Variants in RBPJ observed in about 807,000 individuals in gnomAD.
The protein encoded by RBPJ is recombining binding protein suppressor of hairless.
Under a neutral mutation model 67.8 loss-of-function variants are expected in RBPJ, and 9 were observed. That is an observed-to-expected ratio of 0.13 (90% CI 0.08 to 0.23). The LOEUF (loss-of-function observed/expected upper bound fraction) is 0.23, where lower values mean the gene tolerates loss of function less well. RBPJ is among the 10% of genes least tolerant of loss of function. The pLI, the probability that RBPJ is intolerant of heterozygous loss-of-function variation, is 1.00. For missense variants in RBPJ, 305 were observed against 595.6 expected (o/e 0.51, Z 5.08); for synonymous variants, 198 against 203.3 (o/e 0.97, Z 0.22).
chr4:26,384,680 T>G (rs1398193218), intron 1 of RBPJ: 2 of 152,178 alleles, frequency 1.3e-5, no homozygotes, highest in Non-Finnish European at 2.9e-5. Flanking sequence ...TTTAGTTCCT[T>G]TAGTTATTTT....
At chr4:26,278,861 C>A (rs897320586) in intron 1 of RBPJ, among the ~76,000 whole-genome samples, 2 of 152,186 alleles carry the variant, frequency 1.3e-5, no homozygotes, top group African/African-American at 4.8e-5. Flanking sequence ...GTTCCACTTA[C>A]ATGATATCTG....
At chr4:26,322,703 A>G (rs1477284444) in intron 1 of RBPJ, among the ~76,000 whole-genome samples, 1 of 151,666 alleles carries the variant, frequency 6.6e-6, no homozygotes, top group Non-Finnish European at 1.5e-5. Context: ...GCCTGTAGTG[A>G]GATTATTTTA....
intron 3 of RBPJ, among the ~76,000 whole-genome samples, chr4:26,411,402 A>G (rs1422655703): frequency 4.0e-5 from 6 of 150,854 alleles, no homozygotes; most frequent in Non-Finnish European, 1.5e-5. Context: ...TTATTCAATC[A>G]CTAGATTTTT....
At chr4:26,171,067 G>A (rs533057428) in intron 1 of RBPJ, among the ~76,000 whole-genome samples, 7 of 152,284 alleles carry the variant, frequency 4.6e-5, no homozygotes, top group African/African-American at 9.6e-5. Context: ...ACTTGGAGTC[G>A]AAGGACCTGT....
rs184038178 is a variant in RBPJ, at chr4:26,361,883, A to G, written c.21-24470A>G. On this transcript the variant is annotated intron_variant, in intron 1 of 10. Transcript: ENST00000355476. ...AAAGGAACAGATACCTGCCAAGTCA[A>G]TCAGAGAATGGCGGTAAAACTTGAT... Among the ~76,000 whole-genome samples the G allele has an allele frequency of 6.6e-4, 100 of 152,330 alleles. 2 individuals are homozygous for G. The East Asian group carries it at 0.017, about 26-fold the overall frequency.
At chr4:26,327,117 C>T (rs1012195757) in intron 1 of RBPJ, among the ~76,000 whole-genome samples, 1 of 152,112 alleles carries the variant, frequency 6.6e-6, no homozygotes, top group African/African-American at 2.4e-5. Context: ...GTTCTGTATG[C>T]CTCTTAGGCC....
At chr4:26,377,970 G>T (rs534289723) in intron 1 of RBPJ, among the ~76,000 whole-genome samples, 8 of 152,306 alleles carry the variant, frequency 5.3e-5, no homozygotes, top group African/African-American at 9.6e-5. Flanking sequence ...CACGTGTAGG[G>T]TGTGTGGGTT....
intron 1 of RBPJ, among the ~76,000 whole-genome samples, chr4:26,365,673 G>A (rs959872098): frequency 4.6e-5 from 7 of 152,248 alleles, no homozygotes; most frequent in Non-Finnish European, 7.4e-5. Flanking sequence ...TTTAAAAGTG[G>A]TATTAGTTTT....
At chr4:26,221,800 G>A (rs1017566121) in intron 1 of RBPJ, among the ~76,000 whole-genome samples, 1 of 152,294 alleles carries the variant, frequency 6.6e-6, no homozygotes, top group East Asian at 1.9e-4. Flanking sequence ...ATAGCTAGAC[G>A]AGAATAATTC....
At chr4:26,253,397 C>T in intron 1 of RBPJ, among the ~76,000 whole-genome samples, 1 of 146,680 alleles carries the variant, frequency 6.8e-6, no homozygotes, top group East Asian at 1.9e-4. Context: ...CTGCAAGCTC[C>T]GCCTTCCGGG....
intron 1 of RBPJ, among the ~76,000 whole-genome samples, chr4:26,206,094 C>A (rs1469774715): frequency 6.6e-6 from 1 of 152,062 alleles, no homozygotes; most frequent in Admixed American, 6.6e-5. Context: ...ACACTAAAAG[C>A]TTTACTACCT....
the RBPJ span, among the ~76,000 whole-genome samples, chr4:26,128,339 T>A: frequency 6.6e-6 from 1 of 152,168 alleles, no homozygotes; most frequent in Non-Finnish European, 1.5e-5. Context: ...TGACAATGAA[T>A]AACACCTACA....
chr4:26,185,412 C>T (rs777759432), intron 1 of RBPJ, among the ~76,000 whole-genome samples: 2 of 152,090 alleles, frequency 1.3e-5, no homozygotes, highest in African/African-American at 4.8e-5. Context: ...CAGGGTAATG[C>T]GTTTTCCTCA....
intron 1 of RBPJ, among the ~76,000 whole-genome samples, chr4:26,239,710 A>G (rs1469242978): frequency 1.3e-5 from 2 of 149,074 alleles, no homozygotes; most frequent in African/African-American, 4.9e-5. Flanking sequence ...AAGAGAAGAA[A>G]AAAAGGAGAA....
chr4:26,270,423 A>AAGAAAGAAAGAAAGAAAG (rs1720868887), intron 1 of RBPJ, among the ~76,000 whole-genome samples: 1 of 59,480 alleles, frequency 1.7e-5, no homozygotes, highest in African/African-American at 4.5e-5. Flanking sequence ...GAAAGAAAGA[A>AAGAAAGAAAGAAAGAAAG]AGAAAGAAAG....
intron 1 of RBPJ, among the ~76,000 whole-genome samples, chr4:26,219,090 A>G (rs1405372272): frequency 6.6e-6 from 1 of 152,194 alleles, no homozygotes; most frequent in African/African-American, 2.4e-5. Context: ...ATACCGTAAG[A>G]GGAAGTAAAT....
intron 1 of RBPJ, among the ~76,000 whole-genome samples, chr4:26,337,015 G>A (rs1389814440): frequency 7.9e-5 from 12 of 152,008 alleles, no homozygotes; most frequent in Non-Finnish European, 1.6e-4. Flanking sequence ...TCGCTCTGTC[G>A]CCCATGGGCG....
intron 1 of RBPJ, among the ~76,000 whole-genome samples, chr4:26,337,486 TG>T (rs1724976886): frequency 6.6e-6 from 1 of 152,036 alleles, no homozygotes; most frequent in African/African-American, 2.4e-5. Flanking sequence ...TCCACAGGTG[TG>T]GCTCCCCATG....
intron 1 of RBPJ, among the ~76,000 whole-genome samples, chr4:26,364,875 C>T (rs1442855946): frequency 2.0e-5 from 3 of 151,578 alleles, no homozygotes; most frequent in African/African-American, 7.3e-5. Context: ...TGTCGGCCTC[C>T]CGAAGTGCTG....
Sources: gnomAD v4.1 joint callset for allele counts (sites outside exome capture counted in the v4.1 genomes callset) on GRCh38, gnomAD v4.1.1 for gene constraint, MANE v1.5 for transcripts, NCBI Gene and HGNC (gene_info 2026-07-23, HGNC 2026-07-21) for gene names.